Variants in SEC13 observed in about 807,000 individuals in gnomAD.
SEC13 encodes the protein protein SEC13 homolog.
Under a neutral mutation model 49.2 loss-of-function variants are expected in SEC13, and 25 were observed. That is an observed-to-expected ratio of 0.51 (90% CI 0.37 to 0.71). The LOEUF (loss-of-function observed/expected upper bound fraction) is 0.71, where lower values mean the gene tolerates loss of function less well. Ranked by LOEUF, SEC13 falls within the 30% of genes least tolerant of loss-of-function variation. The pLI, the probability that SEC13 is intolerant of heterozygous loss-of-function variation, is 0.00. For missense variants in SEC13, 383 were observed against 417.6 expected (o/e 0.92, Z 0.72); for synonymous variants, 148 against 163.9 (o/e 0.90, Z 0.74).
Position 10,311,984 on chromosome 3 carries a change from T to A in SEC13, c.431A>T (p.Lys144Met). 1.2e-6 allele frequency: 2 copies of A among 1,614,208 alleles called. No individual in the cohort carries two copies. Among genetic ancestry groups the A allele is most frequent in the Middle Eastern group, 1.6e-4 (1 of 6,062 alleles). The change falls in exon 5 of 9, where the codon AAG becomes ATG. Residue 144 changes from lysine (K) to methionine (M), a missense_variant. By Grantham distance (95) the Lys-to-Met change is moderately conservative (BLOSUM62 -1). Transcript: ENST00000350697. ...YTGEGQWEVK[K>M]INNAHTIGCN... ...ACTCACGGTGTGAGCGTTGTTGATC[T>A]TCTTTACTTCCCATTGGCCTTCCCC...
intron 5 of SEC13, chr3:10,305,943 C>G (rs1002954045): frequency 2.4e-5 from 9 of 378,158 alleles, no homozygotes; most frequent in Non-Finnish European, 2.9e-5. Context: ...AGGACATTTT[C>G]TAAACACATG....
rs1203365000 is a variant in SEC13, at chr3:10,315,446, G to C, written c.49-10C>G. 1.2e-5 allele frequency: 16 copies of C among 1,336,322 alleles called. No individual in the cohort carries two copies. The highest frequency in any genetic ancestry group is 1.5e-5 in the Non-Finnish European group (15 of 977,424). 82.8% of individuals were successfully genotyped at this position (1,336,322 alleles called of 1,614,324 possible). A position where few individuals can be genotyped will look rare whatever the true frequency, so the allele number is the denominator to read the frequency against. ...CCATCTGGGCGTCGTGCTGCAAAGG[G>C]AGGACAGCTCGGGAAGCCTGCAGGC... On this transcript the variant is annotated splice_polypyrimidine_tract_variant and intron_variant, in intron 2 of 8. Transcript: ENST00000350697.
chr3:10,310,145 A>G (rs1346819280), intron 5 of SEC13, among the ~76,000 whole-genome samples: 1 of 152,066 alleles, frequency 6.6e-6, no homozygotes, highest in Non-Finnish European at 1.5e-5. Context: ...ATTTCTCCAA[A>G]GGCCCCCAGA....
In SEC13 at chr3:10,301,441, G is replaced by A. The variant is rs1026442066; in HGVS notation, c.856-67C>T. ...CTTCCCTCTGCTGTCCCCTAAATATGAGCCTCATCCTCATCAAGAACCACT... is the reference window on the plus strand; with the variant it reads ...CTTCCCTCTGCTGTCCCCTAAATATAAGCCTCATCCTCATCAAGAACCACT... On this transcript the variant is annotated intron_variant, in intron 8 of 8. Transcript: ENST00000350697. 5.3e-5 allele frequency: 85 copies of A among 1,595,264 alleles called. 2 individuals are homozygous for A. In the South Asian group the frequency reaches 9.1e-4, roughly 17 times the overall value.
At chr3:10,313,745 C>T (rs1411497179) in intron 3 of SEC13, 5 of 182,554 alleles carry the variant, frequency 2.7e-5, no homozygotes, top group African/African-American at 1.2e-4. Flanking sequence ...ATTTCACATC[C>T]TTTGAATGTA....
At chr3:10,310,366 C>G (rs911209640) in intron 5 of SEC13, among the ~76,000 whole-genome samples, 1 of 152,078 alleles carries the variant, frequency 6.6e-6, no homozygotes, top group African/African-American at 2.4e-5. Context: ...TGGCGTGTGC[C>G]TGTAATTCCA....
Position 10,305,107 on chromosome 3 carries a change from T to G in SEC13, c.634A>C (p.Ser212Arg). Residue 212 changes from serine (S) to arginine (R), a missense_variant, in exon 7 of 9, where the codon AGT becomes CGT. Ser to Arg is a moderately radical substitution (Grantham distance 110). Transcript: ENST00000350697. ...WKEEQKLEAH[S>R]DWVRDVAWAP... ...CAGGCCACATCTCGAACCCAGTCAC[T>G]GTGCGCTTCTAGCTTCTGCTCCTCC... 6.2e-7 allele frequency: 1 copy of G among 1,614,068 alleles called. No individual in the cohort carries two copies.
intron 5 of SEC13, among the ~76,000 whole-genome samples, chr3:10,307,039 AT>A (rs1700919223): frequency 6.7e-6 from 1 of 149,022 alleles, no homozygotes; most frequent in Non-Finnish European, 1.5e-5. Flanking sequence ...TCTCCTCTTT[AT>A]TTATTATTAA....
chr3:10,308,690 T>C (rs573385275), intron 5 of SEC13, among the ~76,000 whole-genome samples: 2 of 152,158 alleles, frequency 1.3e-5, no homozygotes, highest in East Asian at 3.9e-4. Flanking sequence ...TCTTTCCCCT[T>C]TAAGTCACAA....
intron 1 of SEC13, chr3:10,319,356 G>A (rs1359453114): frequency 6.8e-7 from 1 of 1,476,094 alleles, no homozygotes; most frequent in Non-Finnish European, 9.0e-7. Context: ...TTTCCTCCAT[G>A]TGCCGAGCTG....
At position 10,305,691 on chromosome 3, in the gene SEC13, A is replaced by G. The variant is rs769436234; in HGVS notation, c.452T>C (p.Ile151Thr). The change falls in exon 6 of 9, where the codon ATT (isoleucine) becomes ACT (threonine). Residue 151 changes from isoleucine to threonine, a missense_variant and splice_region_variant. Physicochemically the swap from Ile to Thr is moderately conservative, Grantham distance 89. Transcript: ENST00000350697. ...GGCCCAGCTGACGGCATTGCAGCCAATCTGTAAAGATGGGACACATGGTGA... is the reference window on the plus strand; with the variant it reads ...GGCCCAGCTGACGGCATTGCAGCCAGTCTGTAAAGATGGGACACATGGTGA... ...EVKKINNAHT[I>T]GCNAVSWAPA... 6.8e-6 allele frequency: 11 copies of G among 1,614,076 alleles called. No homozygotes were observed. The African/African-American group carries it at 8.0e-5, about 12-fold the overall frequency.
At chr3:10,315,576 C>T (rs1030012545) in intron 2 of SEC13, 140 bp from the exon 3 acceptor site, 1 of 623,242 alleles carries the variant, frequency 1.6e-6, no homozygotes, top group Admixed American at 2.7e-5. Flanking sequence ...CACCCTCAGG[C>T]AGGAAGCTAG....
intron 8 of SEC13, chr3:10,303,681 T>A (rs1284941041): frequency 2.7e-6 from 1 of 376,448 alleles, no homozygotes; most frequent in Non-Finnish European, 5.1e-6. Flanking sequence ...TGGGTTCTTA[T>A]ACACTTGCCT....
intron 6 of SEC13, 147 bp from the exon 7 acceptor site, chr3:10,305,303 C>G: frequency 8.0e-7 from 1 of 1,251,042 alleles, no homozygotes; most frequent in South Asian, 1.6e-5. Flanking sequence ...ATTCCCTTCA[C>G]CCCAGCTGTA....
intron 1 of SEC13, chr3:10,319,406 G>T: frequency 1.1e-6 from 1 of 896,710 alleles, no homozygotes; most frequent in Non-Finnish European, 1.6e-6. Context: ...GGAGGGCAGG[G>T]TACCAAGGGC....
rs1559497345 is a variant in SEC13 at position 10,311,973 on chromosome 3, CGTT to C, written c.439_441del (p.Asn147del). ...GCAGGGGATGGACTCACGGTGTGAG[CGTT>C]GTTGATCTTCTTTACTTCCCATTGG... On this transcript the variant is annotated inframe_deletion, in exon 5 of 9. Coordinates refer to ENST00000350697, the MANE Select transcript of SEC13 (RefSeq NM_183352.3). 8.1e-6 allele frequency: 13 copies of C among 1,614,140 alleles called. No homozygotes were observed. The highest frequency in any genetic ancestry group is 1.0e-5 in the Non-Finnish European group (12 of 1,180,016).
intron 1 of SEC13, chr3:10,319,239 A>G: frequency 6.2e-7 from 1 of 1,613,486 alleles, no homozygotes; most frequent in Non-Finnish European, 8.5e-7. Flanking sequence ...GCTGCAAAGC[A>G]GTTCAAGAGG....
intron 4 of SEC13, 134 bp downstream of exon 4, chr3:10,312,445 G>T: frequency 9.1e-7 from 1 of 1,102,478 alleles, no homozygotes; most frequent in Non-Finnish European, 1.3e-6. Context: ...GGACAGAGTA[G>T]CAGAAAAGCC....
chr3:10,314,547 CAG>C (rs1458941022), intron 3 of SEC13, among the ~76,000 whole-genome samples: 1 of 152,176 alleles, frequency 6.6e-6, no homozygotes, highest in Admixed American at 6.5e-5. Context: ...TGCTAAATAT[CAG>C]AGTCACTGAA....
Sources: allele counts gnomAD v4.1 joint callset (sites outside exome capture counted in the v4.1 genomes callset), GRCh38; gene constraint gnomAD v4.1.1; transcripts MANE v1.5; gene names NCBI Gene and HGNC (gene_info 2026-07-23, HGNC 2026-07-21).